The following ALK variants were observed in gnomAD, a reference collection of about 807,000 sequenced individuals.
ALK encodes the protein ALK tyrosine kinase receptor.
In ALK, 74 loss-of-function variants were observed where a neutral mutation model predicts 163.1. The ratio of observed to expected loss-of-function variants is 0.45; its 90% CI spans 0.38 to 0.55. ALK has a LOEUF of 0.55. Among genes scored for constraint, ALK ranks in the 20% least tolerant of loss-of-function variants. The pLI, the probability that ALK is intolerant of heterozygous loss-of-function variation, is 0.00. For synonymous variants in ALK, 960 were observed against 843.2 expected (o/e 1.14, Z -2.40); for missense variants, 2,063 against 2,105.3 (o/e 0.98, Z 0.39).
chr2:29,886,093 A>C (rs2148421413), intron 1 of ALK, among the ~76,000 whole-genome samples: 1 of 152,318 alleles, frequency 6.6e-6, no homozygotes, highest in South Asian at 2.1e-4. Flanking sequence ...GTAATGATCC[A>C]CTTCCACTTA....
chr2:29,830,908 G>C (rs1665355750), intron 1 of ALK, among the ~76,000 whole-genome samples: 1 of 119,270 alleles, frequency 8.4e-6, no homozygotes, highest in Non-Finnish European at 1.7e-5. Context: ...TAACTCTAAA[G>C]AAATGAAGAA....
At chr2:29,380,930 G>A (rs1348422207) in intron 5 of ALK, among the ~76,000 whole-genome samples, 1 of 152,222 alleles carries the variant, frequency 6.6e-6, no homozygotes, top group African/African-American at 2.4e-5. Flanking sequence ...GACAGAGACA[G>A]ATAGAATACA....
At chr2:29,707,073 G>A (rs988502476) in intron 2 of ALK, among the ~76,000 whole-genome samples, 5 of 151,034 alleles carry the variant, frequency 3.3e-5, no homozygotes, top group Admixed American at 6.6e-5. Context: ...GCTCCAGAGG[G>A]CATGGTGAAA....
chr2:29,248,661 A>G (rs1664746006), intron 12 of ALK, among the ~76,000 whole-genome samples: 1 of 152,228 alleles, frequency 6.6e-6, no homozygotes, highest in Non-Finnish European at 1.5e-5. Context: ...TTTCAAAGAG[A>G]TGAGTGGAGA....
chr2:29,806,377 G>T (rs763908439), intron 1 of ALK, among the ~76,000 whole-genome samples: 5 of 152,150 alleles, frequency 3.3e-5, no homozygotes, highest in Non-Finnish European at 5.9e-5. Flanking sequence ...GCAGAGGAAA[G>T]AAATCATTTA....
chr2:29,880,795 G>T (rs1487114945), intron 1 of ALK, among the ~76,000 whole-genome samples: 1 of 152,158 alleles, frequency 6.6e-6, no homozygotes, highest in Admixed American at 6.5e-5. Flanking sequence ...GCAACCATGG[G>T]GCTATAGCCA....
chr2:29,355,866 AG>A (rs1164679260), intron 5 of ALK, among the ~76,000 whole-genome samples: 3 of 152,190 alleles, frequency 2.0e-5, no homozygotes, highest in African/African-American at 7.2e-5. Context: ...AGAGCTGACA[AG>A]GACACCTAAG....
In ALK at chr2:29,730,067, C is replaced by T. The variant is rs140384189; in HGVS notation, c.668-12370G>A. Reference sequence around the variant, plus strand: ...TATTAAACCACCCAAGCAGCTTGCACCCTGGCACACAGATGCTGAAATTAT... The same window carrying T: ...TATTAAACCACCCAAGCAGCTTGCATCCTGGCACACAGATGCTGAAATTAT... On this transcript the variant is annotated intron_variant, in intron 1 of 28. Transcript: ENST00000389048. Among the ~76,000 whole-genome samples the T allele has an allele frequency of 4.5e-4, 69 of 152,296 alleles. 1 individual carries two copies. Among genetic ancestry groups the T allele is most frequent in the African/African-American group, 1.6e-3 (68 of 41,580 alleles).
intron 4 of ALK, among the ~76,000 whole-genome samples, chr2:29,491,456 A>G (rs965376723): frequency 3.9e-5 from 6 of 152,252 alleles, no homozygotes; most frequent in South Asian, 4.1e-4. Flanking sequence ...ACTATGTATG[A>G]AAAGGAGACT....
chr2:29,782,692 G>T (rs1297277752), intron 1 of ALK, among the ~76,000 whole-genome samples: 1 of 152,172 alleles, frequency 6.6e-6, no homozygotes, highest in Middle Eastern at 3.2e-3. Context: ...CAGCCATCAA[G>T]CAGTAACCAT....
At chr2:29,361,747 T>A (rs531181013) in intron 5 of ALK, among the ~76,000 whole-genome samples, 2 of 152,308 alleles carry the variant, frequency 1.3e-5, no homozygotes, top group African/African-American at 4.8e-5. Context: ...CTGGAAACCC[T>A]CAAAACTGGT....
At chr2:29,695,164 G>C (rs58502066) in intron 2 of ALK, 150 bp from the exon 3 acceptor site, 1 of 820,188 alleles carries the variant, frequency 1.2e-6, no homozygotes, top group South Asian at 1.5e-5. Context: ...ACAGGGCTCT[G>C]TATTGGTGAA....
chr2:29,301,953 T>G (rs1334066273), intron 8 of ALK, among the ~76,000 whole-genome samples: 4 of 152,234 alleles, frequency 2.6e-5, no homozygotes, highest in African/African-American at 9.6e-5. Context: ...AGATAGTTAC[T>G]GCACTCCTAC....
intron 3 of ALK, among the ~76,000 whole-genome samples, chr2:29,653,333 T>C (rs974472411): frequency 6.6e-6 from 1 of 152,106 alleles, no homozygotes; most frequent in African/African-American, 2.4e-5. Flanking sequence ...CACCAGTTTA[T>C]CCACCTGGGA....
intron 1 of ALK, among the ~76,000 whole-genome samples, chr2:29,804,639 A>ACC (rs1664564021): frequency 6.6e-6 from 1 of 151,980 alleles, no homozygotes; most frequent in Non-Finnish European, 1.5e-5. Flanking sequence ...CGTTGGGTTT[A>ACC]AGGTGATACC....
intron 4 of ALK, among the ~76,000 whole-genome samples, chr2:29,454,998 A>G (rs1670915025): frequency 6.6e-6 from 1 of 152,226 alleles, no homozygotes; most frequent in South Asian, 2.1e-4. Context: ...TTTACACAAT[A>G]GGGCCATGAA....
intron 3 of ALK, among the ~76,000 whole-genome samples, chr2:29,667,221 T>C (rs1291377272): frequency 3.9e-5 from 6 of 152,104 alleles, no homozygotes; most frequent in Non-Finnish European, 7.4e-5. Context: ...CTGGAACATA[T>C]AGTAGTTTTA....
At chr2:29,555,617 A>T (rs575211193) in intron 3 of ALK, among the ~76,000 whole-genome samples, 9 of 152,242 alleles carry the variant, frequency 5.9e-5, no homozygotes, top group African/African-American at 2.2e-4. Flanking sequence ...ATTTATATTG[A>T]CTTCAATTCA....
At chr2:29,367,149 C>T (rs1201764727) in intron 5 of ALK, among the ~76,000 whole-genome samples, 1 of 152,160 alleles carries the variant, frequency 6.6e-6, no homozygotes, top group Non-Finnish European at 1.5e-5. Context: ...TCAGTGTGTG[C>T]ATCCAGTATG....
Sources: gnomAD v4.1 joint callset for allele counts (sites outside exome capture counted in the v4.1 genomes callset) on GRCh38, gnomAD v4.1.1 for gene constraint, MANE v1.5 for transcripts, NCBI Gene and HGNC (gene_info 2026-07-23, HGNC 2026-07-21) for gene names.